CAPZB: variants seen among roughly 807,000 people sequenced by gnomAD.
CAPZB encodes the protein capping actin protein of muscle Z-line subunit beta.
Under a neutral mutation model 38.1 loss-of-function variants are expected in CAPZB, and 2 were observed. The ratio of observed to expected loss-of-function variants is 0.05; its 90% CI spans 0.02 to 0.17. The LOEUF is 0.17. Ranked by LOEUF, CAPZB falls within the 10% of genes least tolerant of loss-of-function variation. The pLI is 1.00. For missense variants in CAPZB, 161 were observed against 334.2 expected, an observed-to-expected ratio of 0.48 and a Z score of 4.04; for synonymous variants, 107 against 127.4, an observed-to-expected ratio of 0.84 and a Z score of 1.08.
chr1:19,357,057 G>GT lies in CAPZB; in HGVS notation c.472-307dup, dbSNP rs1327486916. On this transcript the variant is annotated intron_variant, in intron 5 of 8. Transcript: ENST00000264202. This position sits in a 1 kb window ranked among gnomAD's most constrained non-coding sequence, Gnocchi z 4.3. ...TTTTTGTGTTTTTGGTAGAGATGCG[G>GT]TTTCGCCATATTGGCCAGGCTGGTC... Among the ~76,000 whole-genome samples, 1 of 151,970 alleles carries GT rather than the reference G, an allele frequency of 6.6e-6. No individual in the cohort carries two copies. Among genetic ancestry groups the GT allele is most frequent in the East Asian group, 1.9e-4 (1 of 5,166 alleles).
chr1:19,451,791 C>A (rs565736908), intron 1 of CAPZB, among the ~76,000 whole-genome samples: 11 of 151,928 alleles, frequency 7.2e-5, no homozygotes, highest in African/African-American at 2.7e-4. Context: ...TTTAAAGTGC[C>A]TCACCCTCAA....
intron 1 of CAPZB, among the ~76,000 whole-genome samples, chr1:19,453,180 T>G (rs914114874): frequency 1.3e-5 from 2 of 152,180 alleles, no homozygotes; most frequent in Non-Finnish European, 2.9e-5. Flanking sequence ...TTGTGACTGT[T>G]AGACTTACAA....
chr1:19,421,293 T>G (rs2094400145), intron 1 of CAPZB, among the ~76,000 whole-genome samples: 1 of 152,234 alleles, frequency 6.6e-6, no homozygotes, highest in South Asian at 2.1e-4. Flanking sequence ...AAGGACCCAC[T>G]TCATAGTCAC....
intron 1 of CAPZB, among the ~76,000 whole-genome samples, chr1:19,439,172 C>T (rs1274167619): frequency 2.0e-5 from 3 of 152,152 alleles, no homozygotes; most frequent in African/African-American, 4.8e-5. Context: ...CAGGAAGCAA[C>T]ACGTCTCTTG....
chr1:19,425,667 A>G (rs2094419752), intron 1 of CAPZB, among the ~76,000 whole-genome samples: 1 of 152,252 alleles, frequency 6.6e-6, no homozygotes, highest in South Asian at 2.1e-4. Flanking sequence ...GCAATAAATA[A>G]AACCACCATT....
chr1:19,441,217 T>C lies in CAPZB; in HGVS notation c.4-21467A>G, dbSNP rs75335781. Among the ~76,000 whole-genome samples the C allele has an allele frequency of 2.6e-5, 4 of 152,300 alleles. No homozygotes were observed. In the East Asian group the frequency reaches 7.7e-4, roughly 29 times the overall value. The stretch of plus-strand genomic sequence containing the variant: ...CACCCTGCATTCCTGCCCATGCAGC[T>C]CGTGACCCAGCTACAGCCTTGGGTC... On this transcript the variant is annotated intron_variant, in intron 1 of 8. Coordinates refer to ENST00000264202, the MANE Select transcript of CAPZB (RefSeq NM_004930.5).
intron 1 of CAPZB, among the ~76,000 whole-genome samples, chr1:19,476,796 C>T (rs770024079): frequency 1.1e-4 from 17 of 152,218 alleles, no homozygotes; most frequent in South Asian, 2.1e-4. Context: ...ACCAAAAAAA[C>T]CTCCTAAACA....
intron 6 of CAPZB, among the ~76,000 whole-genome samples, chr1:19,353,023 G>A (rs1214307582): frequency 6.6e-6 from 1 of 152,262 alleles, no homozygotes; most frequent in Non-Finnish European, 1.5e-5. Context: ...AGCCAAAGCT[G>A]GCGGCCTTCT....
At chr1:19,478,269 T>C (rs992653870) in intron 1 of CAPZB, among the ~76,000 whole-genome samples, 1 of 152,218 alleles carries the variant, frequency 6.6e-6, no homozygotes, top group African/African-American at 2.4e-5. Context: ...CCTTCCAGGC[T>C]GGTTGGGAAG....
chr1:19,440,226 C>T (rs566234328), intron 1 of CAPZB, among the ~76,000 whole-genome samples: 3 of 152,116 alleles, frequency 2.0e-5, no homozygotes, highest in South Asian at 4.2e-4. Flanking sequence ...TTTGGAGAGA[C>T]GGGGTTTCAC....
intron 2 of CAPZB, among the ~76,000 whole-genome samples, chr1:19,406,431 C>T (rs1285098511): frequency 6.6e-6 from 1 of 152,130 alleles, no homozygotes; most frequent in Non-Finnish European, 1.5e-5. Context: ...GCCCTTTCAA[C>T]GTGGGAAGGG....
Position 19,383,322 on chromosome 1 carries a change from C to T in CAPZB, c.215+2183G>A, listed in dbSNP as rs144171885. Among the ~76,000 whole-genome samples the T allele has an allele frequency of 2.4e-4, 36 of 151,800 alleles. 1 individual carries two copies. Among genetic ancestry groups the T allele is most frequent in the African/African-American group, 7.5e-4 (31 of 41,380 alleles). ...CTAGCTGGGAGCGATGGCGTACACC[C>T]GTAATCCCAGCTACTTGGGAGGCTG... On this transcript the variant is annotated intron_variant, in intron 3 of 8. Coordinates refer to ENST00000264202, the MANE Select transcript of CAPZB (RefSeq NM_004930.5).
chr1:19,470,172 C>A (rs12070072), intron 1 of CAPZB, among the ~76,000 whole-genome samples: 3 of 151,884 alleles, frequency 2.0e-5, no homozygotes, highest in Non-Finnish European at 4.4e-5. Flanking sequence ...TGTGCTGTCA[C>A]CACGCCACTG....
intron 1 of CAPZB, among the ~76,000 whole-genome samples, chr1:19,422,512 G>A (rs574453986): frequency 2.1e-4 from 32 of 152,200 alleles, no homozygotes; most frequent in Admixed American, 1.6e-3. Flanking sequence ...CAAGGCGGGC[G>A]GATCATGAGG....
chr1:19,462,457 CAA>C (rs34138277), intron 1 of CAPZB, among the ~76,000 whole-genome samples: 40 of 131,864 alleles, frequency 3.0e-4, no homozygotes, highest in Non-Finnish European at 5.2e-4. Context: ...GACTCCGTCT[CAA>C]AAAAAAAAAA....
chr1:19,444,931 C>CG (rs1211876374), intron 1 of CAPZB, among the ~76,000 whole-genome samples: 1 of 151,920 alleles, frequency 6.6e-6, no homozygotes, highest in Non-Finnish European at 1.5e-5. Context: ...TTAGTAGAGA[C>CG]GGGATCTCAC....
chr1:19,354,051 A>C (rs2094006739), intron 6 of CAPZB, among the ~76,000 whole-genome samples: 1 of 152,228 alleles, frequency 6.6e-6, no homozygotes, highest in African/African-American at 2.4e-5. Flanking sequence ...ATTAAGACCA[A>C]AACAGTTGTG....
chr1:19,474,938 C>G (rs1267153749), intron 1 of CAPZB, among the ~76,000 whole-genome samples: 1 of 152,088 alleles, frequency 6.6e-6, no homozygotes, highest in Non-Finnish European at 1.5e-5. Flanking sequence ...CATGGAGAGG[C>G]AGGTGCATGG....
intron 1 of CAPZB, among the ~76,000 whole-genome samples, chr1:19,467,623 T>G (rs972656060): frequency 1.3e-5 from 2 of 152,200 alleles, no homozygotes; most frequent in African/African-American, 2.4e-5. Flanking sequence ...TCCCAGTATG[T>G]GGGACAGGTA....
Sources: allele counts gnomAD v4.1 joint callset (sites outside exome capture counted in the v4.1 genomes callset), GRCh38; gene constraint gnomAD v4.1.1; non-coding constraint Gnocchi (gnomAD v3.1); transcripts MANE v1.5; gene names NCBI Gene and HGNC (gene_info 2026-07-23, HGNC 2026-07-21).